ZFYVE9: variants seen among roughly 807,000 people sequenced by gnomAD.
ZFYVE9 encodes zinc finger FYVE-type containing 9.
ZFYVE9 carries 43 observed loss-of-function variants against 126.7 expected under a neutral mutation model. That is an observed-to-expected ratio of 0.34 (90% CI 0.27 to 0.44). The LOEUF (loss-of-function observed/expected upper bound fraction) is 0.44, where lower values mean the gene tolerates loss of function less well. ZFYVE9 is among the 20% of genes least tolerant of loss of function. ZFYVE9 has a pLI of 1.00. For synonymous variants in ZFYVE9, 521 were observed against 597.4 expected (o/e 0.87, Z 1.87); for missense variants, 1,476 against 1,697.0 (o/e 0.87, Z 2.29).
intron 12 of ZFYVE9, among the ~76,000 whole-genome samples, chr1:52,299,021 G>T (rs1646006932): frequency 6.6e-6 from 1 of 151,904 alleles, no homozygotes; most frequent in Admixed American, 6.6e-5. Flanking sequence ...TGTTAGCCAG[G>T]ATGGTCTCGA....
chr1:52,233,320 A>C (rs766525673), intron 3 of ZFYVE9, 44 bp downstream of exon 3: 15 of 1,423,638 alleles, frequency 1.1e-5, no homozygotes, highest in Non-Finnish European at 1.4e-5. Flanking sequence ...TGTGGTATAG[A>C]GAATGTGGGG....
At chr1:52,266,389 TC>T (rs748580389) in intron 5 of ZFYVE9, among the ~76,000 whole-genome samples, 8 of 96,380 alleles carry the variant, frequency 8.3e-5, no homozygotes, top group Non-Finnish European at 1.5e-4. Context: ...GAGCCACCAC[TC>T]CCGGTCTAAT....
In ZFYVE9 at chr1:52,237,959, T is replaced by C; in HGVS notation, c.542T>C (p.Phe181Ser). The C allele has an allele frequency of 6.2e-7, 1 of 1,614,084 alleles. No homozygotes were observed. Among genetic ancestry groups the C allele is most frequent in the Non-Finnish European group, 8.5e-7 (1 of 1,179,984 alleles). Residue 181 changes from phenylalanine to serine, a missense_variant, in exon 4 of 19, where the codon TTT becomes TCT. Phe to Ser is a radical substitution (Grantham distance 155). Transcript: ENST00000287727. The stretch of plus-strand genomic sequence containing the variant: ...AATAGTCAATCCCTTATGGATGCTT[T>C]TAGCTGTTCACTGGATAATGAAAAC... ...NYNSQSLMDA[F>S]SCSLDNENRQ...
Position 52,238,244 on chromosome 1 carries a change from A to T in ZFYVE9, c.827A>T (p.Asp276Val). The change falls in exon 4 of 19, where the codon GAT becomes GTT. Residue 276 changes from aspartate to valine, a missense_variant. By Grantham distance (152) the Asp-to-Val change is radical. This residue lies in a region of ZFYVE9 where 807 missense variants were observed against 794.6 expected (regional missense o/e 1.02). Transcript: ENST00000287727. The part of the protein sequence containing the change: ...VDSVISSQGT[D>V]GCPAVKKQEN... ...TCAGTAATCTCATCCCAGGGAACAG[A>T]TGGATGTCCTGCTGTTAAAAAGCAA... 4 of 1,614,106 alleles carry T rather than the reference A, an allele frequency of 2.5e-6. No individual in the cohort carries two copies. The highest frequency in any genetic ancestry group is 3.4e-6 in the Non-Finnish European group (4 of 1,179,966).
chr1:52,212,700 C>G (rs1265282476), intron 1 of ZFYVE9, among the ~76,000 whole-genome samples: 2 of 152,048 alleles, frequency 1.3e-5, no homozygotes, highest in Non-Finnish European at 2.9e-5. Flanking sequence ...ATTTTGAATA[C>G]TACTATGTGA....
At chr1:52,281,577 G>A in intron 9 of ZFYVE9, 84 bp from the exon 10 acceptor site, 1 of 1,471,050 alleles carries the variant, frequency 6.8e-7, no homozygotes, top group Non-Finnish European at 9.3e-7. Context: ...TTGCTGTATT[G>A]TAACACAGAT....
intron 10 of ZFYVE9, among the ~76,000 whole-genome samples, chr1:52,283,940 A>T (rs957332531): frequency 6.6e-6 from 1 of 152,218 alleles, no homozygotes; most frequent in African/African-American, 2.4e-5. Flanking sequence ...TTTAAATTAA[A>T]TAATTGCAGT....
In ZFYVE9 at chr1:52,237,506, C is replaced by G. The variant is rs917384598; in HGVS notation, c.89C>G (p.Thr30Ser). The change falls in exon 4 of 19, where the codon ACT becomes AGT. Residue 30 changes from threonine to serine, a missense_variant. Thr to Ser is a moderately conservative substitution (Grantham distance 58, BLOSUM62 1). This residue lies in a region of ZFYVE9 where 807 missense variants were observed against 794.6 expected (regional missense o/e 1.02). Transcript: ENST00000287727. ...TTTCCAGATGAAACAGTTTCTTCTA[C>G]TTTATTGGATACAAAGTGGAATAAG... ...EQNEDETVSS[T>S]LLDTKWNKIL... 1.2e-6 allele frequency: 2 copies of G among 1,607,356 alleles called. No individual in the cohort carries two copies. The highest frequency in any genetic ancestry group is 1.3e-5 in the African/African-American group (1 of 74,712).
At chr1:52,311,042 T>G (rs1646132626) in intron 13 of ZFYVE9, among the ~76,000 whole-genome samples, 1 of 152,102 alleles carries the variant, frequency 6.6e-6, no homozygotes, top group Non-Finnish European at 1.5e-5. Context: ...ATTTTTAAAT[T>G]TTTTGTAGAG....
chr1:52,260,963 T>C (rs1345474416), intron 4 of ZFYVE9, among the ~76,000 whole-genome samples: 1 of 152,168 alleles, frequency 6.6e-6, no homozygotes, highest in Non-Finnish European at 1.5e-5. Flanking sequence ...CTTTTTTTAG[T>C]TATTTGGTGG....
chr1:52,293,417 TGA>T, intron 10 of ZFYVE9, 34 bp from the exon 11 acceptor site: 1 of 1,458,008 alleles, frequency 6.9e-7, no homozygotes, highest in Non-Finnish European at 9.3e-7. Context: ...ATTAATTTAT[TGA>T]TACAAAGTAG....
At chr1:52,152,367 A>G (rs932420420) in intron 1 of ZFYVE9, among the ~76,000 whole-genome samples, 1 of 152,134 alleles carries the variant, frequency 6.6e-6, no homozygotes, top group African/African-American at 2.4e-5. Context: ...TTACTGATGT[A>G]GGTCAACTTT....
intron 5 of ZFYVE9, among the ~76,000 whole-genome samples, chr1:52,265,879 A>G (rs529571082): frequency 6.6e-6 from 1 of 152,322 alleles, no homozygotes; most frequent in South Asian, 2.1e-4. Context: ...GAGTTATTCT[A>G]TTTTAGCCCC....
In ZFYVE9 at chr1:52,238,473, T is replaced by C. The variant is rs143611179; in HGVS notation, c.1056T>C (p.Asn352=). Residue 352 remains asparagine (N), a synonymous_variant, in exon 4 of 19, where the codon AAT becomes AAC. Coordinates refer to ENST00000287727, the MANE Select transcript of ZFYVE9 (RefSeq NM_004799.4). The part of the protein sequence containing the change: ...KPDMPNGSGR[N]NDCERCSDCL... ...ACATGCCTAATGGGTCTGGAAGGAA[T>C]AATGACTGTGAACGGTGTTCAGATT... The C allele has an allele frequency of 3.1e-6, 5 of 1,613,982 alleles. No individual in the cohort carries two copies. The African/African-American group carries it at 4.0e-5, about 13-fold the overall frequency.
intron 7 of ZFYVE9, among the ~76,000 whole-genome samples, chr1:52,273,511 T>C (rs973730664): frequency 3.6e-4 from 54 of 152,088 alleles, no homozygotes; most frequent in African/African-American, 1.3e-3. Context: ...ATATAGCTAA[T>C]GTGATCTGCC....
At chr1:52,234,072 C>T (rs998535623) in intron 3 of ZFYVE9, among the ~76,000 whole-genome samples, 6 of 152,128 alleles carry the variant, frequency 3.9e-5, no homozygotes, top group African/African-American at 9.7e-5. Context: ...TGAGCCACCA[C>T]GCCTGGCCAA....
Position 52,266,656 on chromosome 1 carries a change from T to G in ZFYVE9, c.2280T>G (p.Ala760=), listed in dbSNP as rs1645636901. The G allele has an allele frequency of 4.4e-6, 7 of 1,588,050 alleles. No individual in the cohort carries two copies. Among genetic ancestry groups the G allele is most frequent in the Non-Finnish European group, 6.0e-6 (7 of 1,168,584 alleles). ...CVICHSVLMN[A]QAWENMMSAS... ...TGATTGTGTCTGTATTTGCTTTAGC[T>G]CAAGCCTGGGAGAACATGATGAGTG... is the stretch of plus-strand genomic sequence containing the variant. Residue 760 remains alanine (A), a splice_region_variant and synonymous_variant, in exon 6 of 19, where the codon GCT becomes GCG. Transcript: ENST00000287727.
At chr1:52,202,940 C>T (rs1257644500) in intron 1 of ZFYVE9, among the ~76,000 whole-genome samples, 1 of 152,026 alleles carries the variant, frequency 6.6e-6, no homozygotes, top group East Asian at 1.9e-4. Context: ...CCCATCTTGG[C>T]CTCCCAAAGT....
At position 52,302,499 on chromosome 1, in the gene ZFYVE9, C is replaced by T. The variant is rs908881477; in HGVS notation, c.3334-1322C>T. On this transcript the variant is annotated intron_variant, in intron 12 of 18. Coordinates refer to ENST00000287727, the MANE Select transcript of ZFYVE9 (RefSeq NM_004799.4). ...GGCGCAGTGGCTCACACTTGTAATC[C>T]CAGCATTTTGGGAGGCCAAGGTGGG... 5.3e-5 allele frequency among the ~76,000 whole-genome samples: 8 copies of T among 152,196 alleles called. No homozygotes were observed. The East Asian group carries it at 1.2e-3, about 22-fold the overall frequency.
Sources: gnomAD v4.1 joint callset for allele counts (sites outside exome capture counted in the v4.1 genomes callset) on GRCh38, gnomAD v4.1.1 for gene constraint, gnomAD v4.1.1 regional missense constraint, MANE v1.5 for transcripts, NCBI Gene and HGNC (gene_info 2026-07-23, HGNC 2026-07-21) for gene names.